The following LRP2 variants were observed in gnomAD, a reference collection of about 807,000 sequenced individuals.
LRP2 encodes low-density lipoprotein receptor-related protein 2.
Under a neutral mutation model 531.0 loss-of-function variants are expected in LRP2, and 172 were observed. The observed-to-expected ratio is 0.32, with a 90% confidence interval of 0.29 to 0.37. LRP2 has a LOEUF of 0.37. Among genes scored for constraint, LRP2 ranks in the 10% least tolerant of loss-of-function variants. The pLI, the probability that LRP2 is intolerant of heterozygous loss-of-function variation, is 1.00. For missense variants in LRP2, 5,167 were observed against 5,868.3 expected (o/e 0.88, Z 3.90); for synonymous variants, 1,992 against 2,027.6 (o/e 0.98, Z 0.47).
At chr2:169,360,789 T>G (rs1443636059) in intron 1 of LRP2, among the ~76,000 whole-genome samples, 1 of 152,226 alleles carries the variant, frequency 6.6e-6, no homozygotes. Context: ...GCAAGACCTG[T>G]GGGGTTTGTT....
At chr2:169,234,033 T>C (rs1262764137) in intron 29 of LRP2, among the ~76,000 whole-genome samples, 1 of 152,224 alleles carries the variant, frequency 6.6e-6, no homozygotes, top group South Asian at 2.1e-4. Context: ...TGCCACTCAC[T>C]GATTCACATC....
chr2:169,213,935 T>A, intron 35 of LRP2, 65 bp from the exon 36 acceptor site: 2 of 1,044,194 alleles, frequency 1.9e-6, no homozygotes, highest in Non-Finnish European at 3.0e-6. Context: ...ATTTAAACAC[T>A]AATATTCTCC....
At chr2:169,215,201 T>C (rs1026139390) in intron 35 of LRP2, among the ~76,000 whole-genome samples, 1 of 152,218 alleles carries the variant, frequency 6.6e-6, no homozygotes, top group Non-Finnish European at 1.5e-5. Context: ...AGTTAGTACT[T>C]GTTGAACAAA....
chr2:169,299,231 C>T (rs936284752), intron 4 of LRP2, among the ~76,000 whole-genome samples: 3 of 151,464 alleles, frequency 2.0e-5, no homozygotes, highest in African/African-American at 7.3e-5. Flanking sequence ...ATGGTCATCC[C>T]GAGGACTTGT....
At chr2:169,129,294 T>C (rs996307970) in intron 77 of LRP2, among the ~76,000 whole-genome samples, 1 of 152,230 alleles carries the variant, frequency 6.6e-6, no homozygotes, top group Non-Finnish European at 1.5e-5. Flanking sequence ...TTTAATCGAA[T>C]GGTTTTAAAC....
chr2:169,171,791 T>C (rs528456985), intron 58 of LRP2, among the ~76,000 whole-genome samples: 2 of 152,308 alleles, frequency 1.3e-5, no homozygotes, highest in African/African-American at 2.4e-5. Flanking sequence ...CTTCAGTAAA[T>C]ACCTTCCTCC....
At position 169,182,161 on chromosome 2, in the gene LRP2, C is replaced by T. The variant is rs1413664283; in HGVS notation, c.9998+6G>A. On this transcript the variant is annotated splice_donor_region_variant and intron_variant, in intron 51 of 78. Coordinates refer to ENST00000649046, the MANE Select transcript of LRP2 (RefSeq NM_004525.3). ...AGAAAAGCCCAGGATTGCAGGGAGACAATACCCATATTGAGGGTGAAGGGC... is the reference window on the plus strand; with the variant it reads ...AGAAAAGCCCAGGATTGCAGGGAGATAATACCCATATTGAGGGTGAAGGGC... 3 of 1,613,998 alleles carry T rather than the reference C, an allele frequency of 1.9e-6. No individual in the cohort carries two copies. Among genetic ancestry groups the T allele is most frequent in the East Asian group, 2.2e-5 (1 of 44,882 alleles).
At chr2:169,182,541 T>C (rs1013974776) in intron 50 of LRP2, 204 of 1,413,758 alleles carry the variant, frequency 1.4e-4, no homozygotes, top group Middle Eastern at 1.3e-3. Context: ...TTTAAGGTGG[T>C]GTCATGTAGA....
intron 71 of LRP2, 141 bp downstream of exon 71, chr2:169,142,533 A>G: frequency 1.7e-6 from 2 of 1,157,992 alleles, no homozygotes; most frequent in Non-Finnish European, 2.5e-6. Flanking sequence ...AACTCTGTTC[A>G]TACCTCCCAC....
rs1476320518 is a variant in LRP2 at position 169,170,393 on chromosome 2, T to C, written c.11380+158A>G. Reference sequence around the variant, plus strand: ...ACTGCTATGAGTTAAGAATAATGCATAGAAAATACAGAGCAGAAGATACTG... The same window carrying C: ...ACTGCTATGAGTTAAGAATAATGCACAGAAAATACAGAGCAGAAGATACTG... On this transcript the variant is annotated intron_variant, in intron 59 of 78. Transcript: ENST00000649046. Among the ~76,000 whole-genome samples the C allele has an allele frequency of 2.0e-5, 3 of 152,212 alleles. No individual in the cohort carries two copies. The South Asian group carries it at 6.2e-4, about 31-fold the overall frequency.
At chr2:169,203,857 T>G in intron 42 of LRP2, 125 bp downstream of exon 42, 1 of 1,020,626 alleles carries the variant, frequency 9.8e-7, no homozygotes, top group Non-Finnish European at 1.5e-6. Flanking sequence ...CAGGTCTGTT[T>G]CATAAATTAC....
At chr2:169,160,630 C>G (rs1017893499) in intron 63 of LRP2, among the ~76,000 whole-genome samples, 1 of 148,338 alleles carries the variant, frequency 6.7e-6, no homozygotes, top group African/African-American at 2.5e-5. Flanking sequence ...CACTTAATAT[C>G]TGAAAAGAGA....
Position 169,206,780 on chromosome 2 carries a change from T to C in LRP2, c.6940A>G (p.Thr2314Ala), listed in dbSNP as rs1286646629. The C allele has an allele frequency of 1.2e-6, 2 of 1,614,054 alleles. No individual in the cohort carries two copies. Among genetic ancestry groups the C allele is most frequent in the African/African-American group, 2.7e-5 (2 of 74,926 alleles). ...CAGTTGATATTGTCTCTTATCACTG[T>C]GGGTGGCTCTGTGTTCTCTGGTTCC... ...SKEPENTEPPTVIRDNINWLR... is the reference protein window; with the variant it reads ...SKEPENTEPPAVIRDNINWLR... Residue 2314 changes from threonine to alanine, a missense_variant, in exon 39 of 79, where the codon ACA (threonine) becomes GCA (alanine). Around this residue, in one of 6 missense-constraint regions of LRP2, gnomAD observed 2,811 missense variants for 3,058.0 expected, o/e 0.92. Coordinates refer to ENST00000649046, the MANE Select transcript of LRP2 (RefSeq NM_004525.3).
At chr2:169,341,726 C>T (rs1685567654) in intron 1 of LRP2, among the ~76,000 whole-genome samples, 1 of 152,182 alleles carries the variant, frequency 6.6e-6, no homozygotes, top group Non-Finnish European at 1.5e-5. Flanking sequence ...AGCCAAATAT[C>T]CTACTCTGCC....
Position 169,181,725 on chromosome 2 carries a change from CAGACTGCAT to C in LRP2, c.9999-116_9999-108del, listed in dbSNP as rs1559000221. 2.2e-3 allele frequency: 2,201 copies of C among 992,460 alleles called. 33 individuals carry two copies. Among genetic ancestry groups the C allele is most frequent in the East Asian group, 2.9e-3 (115 of 40,022 alleles). The allele number at this position is 992,460 out of a possible 1,614,324, so 61.5% of individuals were successfully genotyped here. Reference sequence around the variant, plus strand: ...GAAATGGAGTCTGCATTCTGTAGAGCAGACTGCATTCTGAATTCTTTTCTGCATTCAGAA... The same window carrying C: ...GAAATGGAGTCTGCATTCTGTAGAGCTCTGAATTCTTTTCTGCATTCAGAA... On this transcript the variant is annotated intron_variant, in intron 51 of 78. Coordinates refer to ENST00000649046, the MANE Select transcript of LRP2 (RefSeq NM_004525.3).
At chr2:169,216,476 T>C in intron 34 of LRP2, 46 bp from the exon 35 acceptor site, 1 of 1,585,544 alleles carries the variant, frequency 6.3e-7, no homozygotes, top group South Asian at 1.1e-5. Context: ...AGAAGGTGGA[T>C]TTGAGTCAGT....
At chr2:169,145,046 T>C (rs1347096258) in intron 70 of LRP2, among the ~76,000 whole-genome samples, 1 of 152,220 alleles carries the variant, frequency 6.6e-6, no homozygotes, top group East Asian at 1.9e-4. Context: ...TTTCTTTATT[T>C]GAGATGAGAA....
intron 33 of LRP2, among the ~76,000 whole-genome samples, chr2:169,222,231 A>G (rs1398096542): frequency 1.3e-5 from 2 of 152,160 alleles, no homozygotes; most frequent in Non-Finnish European, 2.9e-5. Flanking sequence ...CAGGTCTTTC[A>G]TGGATTTTCT....
At chr2:169,327,709 G>A (rs192089394) in intron 1 of LRP2, among the ~76,000 whole-genome samples, 6,126 of 122,266 alleles carry the variant, frequency 0.05, 172 homozygotes, top group Non-Finnish European at 0.064. Flanking sequence ...AGGGAGGTGG[G>A]GGGATCAGCA....
Sources: gnomAD v4.1 joint callset for allele counts (sites outside exome capture counted in the v4.1 genomes callset) on GRCh38, gnomAD v4.1.1 for gene constraint, gnomAD v4.1.1 regional missense constraint, MANE v1.5 for transcripts, NCBI Gene and HGNC (gene_info 2026-07-23, HGNC 2026-07-21) for gene names.